MAX: variants seen among roughly 807,000 people sequenced by gnomAD.
The protein encoded by MAX is protein max.
MAX carries 3 observed loss-of-function variants against 22.3 expected under a neutral mutation model. The ratio of observed to expected loss-of-function variants is 0.13; its 90% CI spans 0.06 to 0.35. MAX has a LOEUF of 0.35. Among genes scored for constraint, MAX ranks in the 10% least tolerant of loss-of-function variants. MAX has a pLI of 1.00. For missense variants in MAX, 119 were observed against 209.4 expected (o/e 0.57, Z 2.66); for synonymous variants, 72 against 77.7 (o/e 0.93, Z 0.39).
intron 3 of MAX, among the ~76,000 whole-genome samples, chr14:65,068,913 C>CA (rs2062958558): frequency 6.6e-6 from 1 of 152,222 alleles, no homozygotes; most frequent in African/African-American, 2.4e-5. Flanking sequence ...GCTGATGGGA[C>CA]AAAGGAGGCA....
At chr14:65,094,187 T>A (rs546258912) in intron 2 of MAX, 11 of 325,610 alleles carry the variant, frequency 3.4e-5, no homozygotes, top group Middle Eastern at 1.1e-3. Flanking sequence ...AAAGCTCCAG[T>A]GGCCCCTTCT....
Position 65,054,138 on chromosome 14 carries a change from G to C in MAX, c.171+39570C>G, listed in dbSNP as rs2062675517. ...ATTGTATTTTACTTTTTTGAGACAGGGTCTCACTCTGTCACCCAGGCTGGA... is the reference window on the plus strand; with the variant it reads ...ATTGTATTTTACTTTTTTGAGACAGCGTCTCACTCTGTCACCCAGGCTGGA... On this transcript the variant is annotated intron_variant, in intron 3 of 3. Coordinates refer to the MAX transcript ENST00000341653. This position sits in a 1 kb window ranked among gnomAD's most constrained non-coding sequence, Gnocchi z 4.4. Among the ~76,000 whole-genome samples, 1 of 151,664 alleles carries C rather than the reference G, an allele frequency of 6.6e-6. No individual in the cohort carries two copies. The highest frequency in any genetic ancestry group is 1.5e-5 in the Non-Finnish European group (1 of 67,950).
intron 3 of MAX, chr14:65,006,302 G>GA (rs1407801010): frequency 1.2e-6 from 2 of 1,612,496 alleles, no homozygotes; most frequent in Admixed American, 1.7e-5. Flanking sequence ...AGGAAAGGAG[G>GA]AAAAATATCA....
Position 65,044,604 on chromosome 14 carries a change from G to A in MAX, c.172-38320C>T. ...ACCTCATGCCGTGGGGCATGCGAAT[G>A]CAGAGTAAGATTTAGTTTCATTGGT... On this transcript the variant is annotated intron_variant, in intron 3 of 3. Transcript: ENST00000341653. This position sits in a 1 kb window ranked among gnomAD's most constrained non-coding sequence, Gnocchi z 5.5. The A allele has an allele frequency of 9.5e-7, 1 of 1,054,586 alleles. No individual in the cohort carries two copies. The highest frequency in any genetic ancestry group is 1.3e-6 in the Non-Finnish European group (1 of 769,794). The allele number at this position is 1,054,586 out of a possible 1,614,324, so 65.3% of individuals were successfully genotyped here.
chr14:65,067,036 A>AT (rs56999031), intron 3 of MAX, among the ~76,000 whole-genome samples: 1 of 150,588 alleles, frequency 6.6e-6, no homozygotes, highest in East Asian at 2.0e-4. Flanking sequence ...AAAAAAAAAA[A>AT]TTAGTCGGAT....
At chr14:65,018,732 T>C (rs951766051) in intron 3 of MAX, among the ~76,000 whole-genome samples, 1 of 148,982 alleles carries the variant, frequency 6.7e-6, no homozygotes, top group East Asian at 2.0e-4. Flanking sequence ...ATTGCTTGAA[T>C]CTGGGAGGTG....
rs199748416 is a variant in MAX at position 65,012,423 on chromosome 14, A to T, written c.172-6139T>A. The stretch of plus-strand genomic sequence containing the variant: ...ATTACCCAGGAACTCTTGCTGTCAA[A>T]TTATCCACCAAATCCTCCTCCTTTT... On this transcript the variant is annotated intron_variant, in intron 3 of 3. Transcript: ENST00000341653. This position sits in a 1 kb window ranked among gnomAD's most constrained non-coding sequence, Gnocchi z 5.0. 1 of 1,613,152 alleles carries T rather than the reference A, an allele frequency of 6.2e-7. No individual in the cohort carries two copies. The highest frequency in any genetic ancestry group is 8.5e-7 in the Non-Finnish European group (1 of 1,179,186).
chr14:65,095,162 C>T (rs1864659656), intron 2 of MAX, among the ~76,000 whole-genome samples: 1 of 152,212 alleles, frequency 6.6e-6, no homozygotes, highest in Admixed American at 6.5e-5. Context: ...CTGGGAGCAC[C>T]TGTAGTCATC....
rs1186625283 is a variant in MAX at position 65,076,613 on chromosome 14, G to C, written c.346C>G (p.Pro116Ala). ...RSSAQLQTNY[P>A]SSDNSLYTNA... ...GTGTAGAGGCTGTTGTCTGAGGAGG[G>C]GTAGTTGGTCTGCAGTTGGGCACTT... Residue 116 changes from proline to alanine, a missense_variant, in exon 5 of 5, where the codon CCC becomes GCC. Coordinates refer to ENST00000358664, the MANE Select transcript of MAX (RefSeq NM_002382.5). The surrounding 1 kb of genome is among the most constrained non-coding windows in gnomAD (Gnocchi z 6.6). 2 of 1,613,980 alleles carry C rather than the reference G, an allele frequency of 1.2e-6. No individual in the cohort carries two copies. The highest frequency in any genetic ancestry group is 1.7e-5 in the Admixed American group (1 of 60,004).
At chr14:65,039,957 G>A (rs2062308119) in intron 3 of MAX, among the ~76,000 whole-genome samples, 1 of 152,148 alleles carries the variant, frequency 6.6e-6, no homozygotes, top group Admixed American at 6.5e-5. Context: ...GGGATGCTGG[G>A]GTGGGAGGAT....
At chr14:65,037,688 G>A (rs966044270) in intron 3 of MAX, among the ~76,000 whole-genome samples, 1 of 149,286 alleles carries the variant, frequency 6.7e-6, no homozygotes, top group Non-Finnish European at 1.5e-5. Flanking sequence ...GCTTCCCCAA[G>A]TGCTGGGATT....
At chr14:65,089,486 G>A (rs1472765612) in intron 3 of MAX, among the ~76,000 whole-genome samples, 1 of 152,006 alleles carries the variant, frequency 6.6e-6, no homozygotes, top group Non-Finnish European at 1.5e-5. Flanking sequence ...ATAAACCACT[G>A]TAGAGCTACA....
intron 3 of MAX, chr14:65,041,020 C>CT (rs1200135778): frequency 6.5e-7 from 1 of 1,528,806 alleles, no homozygotes; most frequent in African/African-American, 1.4e-5. Context: ...ATGGGAAGGG[C>CT]TAAGAGAGTT....
At chr14:65,022,176 A>G (rs570858380) in intron 3 of MAX, 2 of 421,102 alleles carry the variant, frequency 4.7e-6, no homozygotes, top group African/African-American at 4.0e-5. Context: ...TAGTACGAGA[A>G]CAAGCTTGAT....
rs1441928449 is a variant in MAX, at chr14:65,054,311, A to T, written c.171+39397T>A. On this transcript the variant is annotated intron_variant, in intron 3 of 3. Coordinates refer to the MAX transcript ENST00000341653. The surrounding 1 kb of genome is among the most constrained non-coding windows in gnomAD (Gnocchi z 4.4). Reference sequence around the variant, plus strand: ...ATTTTTTGTAGAGACGGGGTCTCCCATGTTGCCCAAGTTGGTTTTGAACTC... The same window carrying T: ...ATTTTTTGTAGAGACGGGGTCTCCCTTGTTGCCCAAGTTGGTTTTGAACTC... 6.6e-6 allele frequency among the ~76,000 whole-genome samples: 1 copy of T among 151,828 alleles called. No individual in the cohort carries two copies. The highest frequency in any genetic ancestry group is 1.5e-5 in the Non-Finnish European group (1 of 67,990).
rs766257827 is a variant in MAX at position 65,028,616 on chromosome 14, A to G, written c.172-22332T>C. Among the ~76,000 whole-genome samples, 2 of 152,248 alleles carry G rather than the reference A, an allele frequency of 1.3e-5. No individual in the cohort carries two copies. The highest frequency in any genetic ancestry group is 4.8e-5 in the African/African-American group (2 of 41,462). On this transcript the variant is annotated intron_variant, in intron 3 of 3. Transcript: ENST00000341653. This position sits in a 1 kb window ranked among gnomAD's most constrained non-coding sequence, Gnocchi z 4.4. Reference sequence around the variant, plus strand: ...TATAGGGGAGGAAAAAACCACGAACATTGTGGAGCATAAAATACATTACAG... The same window carrying G: ...TATAGGGGAGGAAAAAACCACGAACGTTGTGGAGCATAAAATACATTACAG...
At chr14:65,006,618 G>A (rs1180608113) in intron 3 of MAX, among the ~76,000 whole-genome samples, 2 of 152,164 alleles carry the variant, frequency 1.3e-5, no homozygotes, top group Admixed American at 6.5e-5. Context: ...TTGTACCCCC[G>A]ATGACTCACC....
chr14:65,014,227 G>A lies in MAX; in HGVS notation c.172-7943C>T, dbSNP rs1595021058. 1.3e-5 allele frequency among the ~76,000 whole-genome samples: 2 copies of A among 152,098 alleles called. No individual in the cohort carries two copies. The highest frequency in any genetic ancestry group is 6.5e-5 in the Admixed American group (1 of 15,268). Reference sequence around the variant, plus strand: ...ATATATTTTAATTTATAAAACTGGGGCAGTACTCCTACCTACCCTGCCTAG... The same window carrying A: ...ATATATTTTAATTTATAAAACTGGGACAGTACTCCTACCTACCCTGCCTAG... On this transcript the variant is annotated intron_variant, in intron 3 of 3. Coordinates refer to the MAX transcript ENST00000341653. This position sits in a 1 kb window ranked among gnomAD's most constrained non-coding sequence, Gnocchi z 5.1.
Position 65,082,115 on chromosome 14 carries a change from G to A in MAX, c.172-4079C>T, listed in dbSNP as rs894361317. The A allele has an allele frequency of 1.1e-4, 17 of 152,304 alleles. No homozygotes were observed. The East Asian group carries it at 1.7e-3, about 16-fold the overall frequency. 9.4% of individuals were successfully genotyped at this position (152,304 alleles called of 1,614,324 possible). On this transcript the variant is annotated intron_variant, in intron 3 of 4. Coordinates refer to ENST00000358664, the MANE Select transcript of MAX (RefSeq NM_002382.5). This position sits in a 1 kb window ranked among gnomAD's most constrained non-coding sequence, Gnocchi z 4.8. ...AATGAGGAAACCGAGACACAGAGCT[G>A]TAATTTACCCAATGTTATGTAAACT...
Sources: allele counts gnomAD v4.1 joint callset (sites outside exome capture counted in the v4.1 genomes callset), GRCh38; gene constraint gnomAD v4.1.1; non-coding constraint Gnocchi (gnomAD v3.1); transcripts MANE v1.5; gene names NCBI Gene and HGNC (gene_info 2026-07-23, HGNC 2026-07-21).